CYP7A1: variants seen among roughly 807,000 people sequenced by gnomAD.
The protein encoded by CYP7A1 is cytochrome P450 family 7 subfamily A member 1, also known as cytochrome P450 7A1.
CYP7A1 carries 28 observed loss-of-function variants against 43.8 expected under a neutral mutation model. The observed-to-expected ratio is 0.64, with a 90% confidence interval of 0.47 to 0.88. CYP7A1 has a LOEUF of 0.88. Among genes scored for constraint, CYP7A1 ranks in the 40% least tolerant of loss-of-function variants. The pLI is 0.00. For synonymous variants in CYP7A1, 227 were observed against 222.5 expected, an observed-to-expected ratio of 1.02 and a Z score of -0.18; for missense variants, 637 against 611.9, an observed-to-expected ratio of 1.04 and a Z score of -0.43.
chr8:58,492,201 A>T (rs1239718316), intron 5 of CYP7A1, 152 bp downstream of exon 5: 1 of 794,942 alleles, frequency 1.3e-6, no homozygotes, highest in Admixed American at 2.1e-5. Context: ...CCACTATCTA[A>T]ATTTTCCAAA....
rs1809355602 is a variant in CYP7A1, at chr8:58,491,750, C to G, written c.1240G>C (p.Asp414His). ...PLTFKYDRYL[D>H]ENGKTKTTFY... ...GTAGTCTTTGTCTTCCCGTTTTCAT[C>G]AAGATACCTATCATATTTAAAAGTC... The change falls in exon 6 of 6, where the codon GAT becomes CAT. Residue 414 changes from aspartate (D) to histidine (H), a missense_variant. Coordinates refer to ENST00000301645, the MANE Select transcript of CYP7A1 (RefSeq NM_000780.4). 6.2e-7 allele frequency: 1 copy of G among 1,613,522 alleles called. No individual in the cohort carries two copies. The highest frequency in any genetic ancestry group is 1.3e-5 in the African/African-American group (1 of 74,908).
chr8:58,499,071 A>G (rs1465142611), intron 1 of CYP7A1, among the ~76,000 whole-genome samples: 1 of 152,198 alleles, frequency 6.6e-6, no homozygotes, highest in Admixed American at 6.5e-5. Flanking sequence ...GGAATCATCT[A>G]TTGTAATTCA....
chr8:58,496,565 AC>A, intron 3 of CYP7A1, 38 bp downstream of exon 3: 3 of 1,526,774 alleles, frequency 2.0e-6, no homozygotes, highest in Non-Finnish European at 1.8e-6. Context: ...TCTACTTTCT[AC>A]TAAAATAAAA....
chr8:58,496,820 G>C lies in CYP7A1; in HGVS notation c.692C>G (p.Ala231Gly). 1 of 1,614,154 alleles carries C rather than the reference G, an allele frequency of 6.2e-7. No individual in the cohort carries two copies. The highest frequency in any genetic ancestry group is 1.1e-5 in the South Asian group (1 of 91,082). The change falls in exon 3 of 6, where the codon GCG becomes GGG. Residue 231 changes from alanine (A) to glycine (G), a missense_variant. By Grantham distance (60) the Ala-to-Gly change is moderately conservative (BLOSUM62 0). Coordinates refer to ENST00000301645, the MANE Select transcript of CYP7A1 (RefSeq NM_000780.4). ...AGLPIHMFRT[A>G]HNAREKLAES... ...TGCCAGTTTCTCCCGGGCATTGTGC[G>C]CAGTCCTGAACATGTGAATGGGGAG...
Position 58,490,805 on chromosome 8 carries a change from T to C in CYP7A1, c.*670A>G, listed in dbSNP as rs1809337681. ...GAAGAAGTTGAAAAATATTTCCTTTTTATTAAAAGACATAACTAATCATAA... is the reference window on the plus strand; with the variant it reads ...GAAGAAGTTGAAAAATATTTCCTTTCTATTAAAAGACATAACTAATCATAA... On this transcript the variant is annotated 3_prime_UTR_variant, in exon 6 of 6. Coordinates refer to ENST00000301645, the MANE Select transcript of CYP7A1 (RefSeq NM_000780.4). 1 of 152,212 alleles carries C rather than the reference T, an allele frequency of 6.6e-6. No homozygotes were observed. Among genetic ancestry groups the C allele is most frequent in the Admixed American group, 6.5e-5 (1 of 15,282 alleles). 9.4% of individuals were successfully genotyped at this position (152,212 alleles called of 1,614,324 possible).
intron 4 of CYP7A1, among the ~76,000 whole-genome samples, chr8:58,493,663 T>C (rs956185953): frequency 2.6e-5 from 4 of 152,064 alleles, no homozygotes; most frequent in Non-Finnish European, 4.4e-5. Flanking sequence ...CTTGCCTCCT[T>C]AAAGAAAATA....
chr8:58,495,325 A>C (rs751876758), intron 3 of CYP7A1, among the ~76,000 whole-genome samples: 8 of 151,224 alleles, frequency 5.3e-5, no homozygotes, highest in Non-Finnish European at 1.0e-4. Context: ...TCCCGGGTTC[A>C]CGCCATTCTC....
In CYP7A1 at chr8:58,490,452, A is replaced by G. The variant is rs1585639937; in HGVS notation, c.*1023T>C. 6.6e-6 allele frequency: 1 copy of G among 152,230 alleles called. No individual in the cohort carries two copies. The highest frequency in any genetic ancestry group is 1.5e-5 in the Non-Finnish European group (1 of 68,028). The allele number at this position is 152,230 out of a possible 1,614,324, so 9.4% of individuals were successfully genotyped here. A position where few individuals can be genotyped will look rare whatever the true frequency, so the allele number is the denominator to read the frequency against. On this transcript the variant is annotated 3_prime_UTR_variant, in exon 6 of 6. Coordinates refer to ENST00000301645, the MANE Select transcript of CYP7A1 (RefSeq NM_000780.4). ...AGCATTTAAATAAAACATAATGTCAAGCTGCACTTAATACACTCCACATGT... is the reference window on the plus strand; with the variant it reads ...AGCATTTAAATAAAACATAATGTCAGGCTGCACTTAATACACTCCACATGT...
At chr8:58,497,863 G>A (rs1361686579) in intron 2 of CYP7A1, among the ~76,000 whole-genome samples, 1 of 152,182 alleles carries the variant, frequency 6.6e-6, no homozygotes, top group Non-Finnish European at 1.5e-5. Context: ...TGTGGCACAA[G>A]TGTGGTGAGA....
intron 4 of CYP7A1, among the ~76,000 whole-genome samples, chr8:58,492,945 A>G (rs2129605794): frequency 6.6e-6 from 1 of 152,004 alleles, no homozygotes; most frequent in East Asian, 1.9e-4. Flanking sequence ...TCTTCTTTTT[A>G]TTGTTTGCAG....
In CYP7A1 at chr8:58,500,012, T is replaced by C. The variant is rs896965456; in HGVS notation, c.80+7A>G. 3.1e-6 allele frequency: 5 copies of C among 1,604,480 alleles called. No individual in the cohort carries two copies. The highest frequency in any genetic ancestry group is 1.6e-4 in the Middle Eastern group (1 of 6,062). On this transcript the variant is annotated splice_region_variant and intron_variant, in intron 1 of 5. Coordinates refer to ENST00000301645, the MANE Select transcript of CYP7A1 (RefSeq NM_000780.4). ...AAAGAGCAATTTAAAGATAAAACAT[T>C]ACTTACCTTCTCCTAATTCCAAGAA...
Position 58,498,368 on chromosome 8 carries a change from C to T in CYP7A1, c.182G>A (p.Arg61Lys). ...NPLEFLRANQRKHGHVFTCKL... is the reference protein window; with the variant it reads ...NPLEFLRANQKKHGHVFTCKL... ...GCAGGTAAAAACATGACCATGTTTC[C>T]TTTGATTTGCTCTGAGGAACTCAAG... Residue 61 changes from arginine (R) to lysine (K), a missense_variant, in exon 2 of 6, where the codon AGG (arginine) becomes AAG (lysine). Coordinates refer to ENST00000301645, the MANE Select transcript of CYP7A1 (RefSeq NM_000780.4). The T allele has an allele frequency of 6.2e-7, 1 of 1,614,100 alleles. No homozygotes were observed. The highest frequency in any genetic ancestry group is 1.1e-5 in the South Asian group (1 of 91,080).
rs1297890440 is a variant in CYP7A1 at position 58,491,580 on chromosome 8, T to A, written c.1410A>T (p.Ile470=). 6.8e-6 allele frequency: 11 copies of A among 1,614,092 alleles called. No individual in the cohort carries two copies. The highest frequency in any genetic ancestry group is 1.3e-5 in the African/African-American group (1 of 74,936). ...AAGGTGGACATTTAGCTTGGCCCTC[T>A]ATAAGCTCCAATTCAAAATAAGAAA... ...LMLSYFELEL[I]EGQAKCPPLD... Residue 470 remains isoleucine, a synonymous_variant, in exon 6 of 6, where the codon ATA becomes ATT. Transcript: ENST00000301645.
At chr8:58,494,381 G>C in intron 4 of CYP7A1, 125 bp downstream of exon 4, 1 of 1,049,368 alleles carries the variant, frequency 9.5e-7, no homozygotes, top group Non-Finnish European at 1.4e-6. Flanking sequence ...AGGATTAACC[G>C]AGAAAACTCA....
rs372610666 is a variant in CYP7A1 at position 58,494,493 on chromosome 8, C to T, written c.1039+13G>A. The T allele has an allele frequency of 8.1e-5, 131 of 1,613,488 alleles. No homozygotes were observed. Among genetic ancestry groups the T allele is most frequent in the Non-Finnish European group, 1.1e-4 (128 of 1,179,644 alleles). On this transcript the variant is annotated intron_variant, in intron 4 of 5. Coordinates refer to ENST00000301645, the MANE Select transcript of CYP7A1 (RefSeq NM_000780.4). Reference sequence around the variant, plus strand: ...ACATAGAAAATGAAACTCAACATAACAAGTATACCCACCTAATACTGGCAG... The same window carrying T: ...ACATAGAAAATGAAACTCAACATAATAAGTATACCCACCTAATACTGGCAG...
At chr8:58,498,789 T>C (rs1477079129) in intron 1 of CYP7A1, among the ~76,000 whole-genome samples, 1 of 152,208 alleles carries the variant, frequency 6.6e-6, no homozygotes, top group Admixed American at 6.5e-5. Flanking sequence ...ACCAACAAGA[T>C]TCTTGTTGTC....
intron 1 of CYP7A1, among the ~76,000 whole-genome samples, chr8:58,499,462 A>G (rs961490815): frequency 2.0e-5 from 3 of 152,354 alleles, no homozygotes; most frequent in African/African-American, 7.2e-5. Context: ...TCGATGTCAC[A>G]TACACTCAGC....
In CYP7A1 at chr8:58,497,037, A is replaced by G. The variant is rs1809455710; in HGVS notation, c.475T>C (p.Ser159Pro). Residue 159 changes from serine to proline, a missense_variant, in exon 3 of 6, where the codon TCT becomes CCT. Transcript: ENST00000301645. ...ACCCAGGCAGCGGTCTTTGAGTTAG[A>G]GGAGACTGGAGGTCTCATGATACGT... is the stretch of plus-strand genomic sequence containing the variant. Reference protein sequence around the residue: ...LQRIMRPPVSSNSKTAAWVTE... With the variant: ...LQRIMRPPVSPNSKTAAWVTE... 1.2e-6 allele frequency: 2 copies of G among 1,608,828 alleles called. No homozygotes were observed. Among genetic ancestry groups the G allele is most frequent in the African/African-American group, 1.3e-5 (1 of 74,934 alleles).
At chr8:58,499,392 T>C (rs956051912) in intron 1 of CYP7A1, among the ~76,000 whole-genome samples, 10 of 152,190 alleles carry the variant, frequency 6.6e-5, no homozygotes, top group Admixed American at 3.3e-4. Context: ...TAAACTATGG[T>C]TCTGGATCTG....
Sources: allele counts gnomAD v4.1 joint callset (sites outside exome capture counted in the v4.1 genomes callset), GRCh38; gene constraint gnomAD v4.1.1; transcripts MANE v1.5; gene names NCBI Gene and HGNC (gene_info 2026-07-23, HGNC 2026-07-21).